Variants in ENTREP3 observed in about 807,000 individuals in gnomAD.
ENTREP3 encodes the protein protein ENTREP3.
the ENTREP3 span, chr1:155,254,976 C>A: frequency 1.0e-6 from 1 of 956,022 alleles, no homozygotes; most frequent in South Asian, 1.5e-5. The surrounding 1 kb of genome is among the most constrained non-coding windows in gnomAD (Gnocchi z 4.4). Flanking sequence ...CTCCACCCCA[C>A]TCGCTCTAGA....
chr1:155,255,089 C>T, the ENTREP3 span: 3 of 596,208 alleles, frequency 5.0e-6, no homozygotes, highest in Non-Finnish European at 9.0e-6. The surrounding 1 kb of genome is among the most constrained non-coding windows in gnomAD (Gnocchi z 5.6). Context: ...TGCTCCCTCC[C>T]CACCACGGGC....
the ENTREP3 span, chr1:155,254,729 G>A: frequency 3.1e-6 from 5 of 1,613,678 alleles, no homozygotes; most frequent in East Asian, 1.1e-4. This position sits in a 1 kb window ranked among gnomAD's most constrained non-coding sequence, Gnocchi z 4.4. Context: ...CATGCTGAAG[G>A]TGACCACCAG....
At chr1:155,252,693 T>TATATAC in the ENTREP3 span, 1 of 43,166 alleles carries the variant, frequency 2.3e-5, no homozygotes, top group Non-Finnish European at 4.2e-5. Flanking sequence ...TTTGTGTGTA[T>TATATAC]ATATATATAT....
the ENTREP3 span, chr1:155,254,076 A>C: frequency 6.2e-7 from 1 of 1,613,866 alleles, no homozygotes; most frequent in East Asian, 2.2e-5. The surrounding 1 kb of genome is among the most constrained non-coding windows in gnomAD (Gnocchi z 4.4). Flanking sequence ...TCCCTCCTCA[A>C]ATCTCACCAG....
At chr1:155,254,612 C>G in the ENTREP3 span, 1 of 1,585,626 alleles carries the variant, frequency 6.3e-7, no homozygotes. The surrounding 1 kb of genome is among the most constrained non-coding windows in gnomAD (Gnocchi z 4.4). Context: ...GGGTGGGGCC[C>G]GAGGAGCCTC....
chr1:155,253,698 C>T, the ENTREP3 span: 1 of 1,611,188 alleles, frequency 6.2e-7, no homozygotes, highest in Non-Finnish European at 8.5e-7. Context: ...TATAGCGGCA[C>T]AAATGGTGAG....
At chr1:155,250,799 C>A in the ENTREP3 span, 1 of 1,607,558 alleles carries the variant, frequency 6.2e-7, no homozygotes, top group East Asian at 2.2e-5. This position sits in a 1 kb window ranked among gnomAD's most constrained non-coding sequence, Gnocchi z 5.4. Flanking sequence ...CTGACAGCAC[C>A]AGAGACCCGC....
the ENTREP3 span, chr1:155,247,780 G>C: frequency 6.8e-7 from 1 of 1,460,804 alleles, no homozygotes; most frequent in Non-Finnish European, 9.0e-7. Context: ...AAGAAGCCTA[G>C]GTCAGAGCCC....
chr1:155,248,185 G>A, the ENTREP3 span: 2 of 1,611,234 alleles, frequency 1.2e-6, no homozygotes, highest in Admixed American at 1.7e-5. Flanking sequence ...CAGGGCCCGA[G>A]GGCAGGGGAA....
chr1:155,254,858 T>G, the ENTREP3 span: 38 of 1,575,364 alleles, frequency 2.4e-5, no homozygotes, highest in Non-Finnish European at 3.2e-5. This position sits in a 1 kb window ranked among gnomAD's most constrained non-coding sequence, Gnocchi z 4.4. Flanking sequence ...GCGGCTGGAG[T>G]CACTAGGCGA....
At chr1:155,251,916 A>T in the ENTREP3 span, 3 of 1,424,360 alleles carry the variant, frequency 2.1e-6, no homozygotes, top group Non-Finnish European at 2.8e-6. Context: ...CTGCTGGGGA[A>T]GCGAGCAGGT....
the ENTREP3 span, chr1:155,251,965 C>G: frequency 8.6e-7 from 1 of 1,156,886 alleles, no homozygotes; most frequent in Admixed American, 3.5e-5. Context: ...TCCTCCTGGG[C>G]CCCCAAACTC....
At chr1:155,252,723 T>TATATATATATATATATA in the ENTREP3 span, 2 of 27,650 alleles carry the variant, frequency 7.2e-5, no homozygotes, top group East Asian at 1.4e-3. Context: ...TATATATATA[T>TATATATATATATATATA]TTTTTTTTTT....
chr1:155,254,935 C>G, the ENTREP3 span: 2 of 1,369,124 alleles, frequency 1.5e-6, no homozygotes, highest in Non-Finnish European at 2.0e-6. This position sits in a 1 kb window ranked among gnomAD's most constrained non-coding sequence, Gnocchi z 4.4. Flanking sequence ...GGGAGCATCT[C>G]AGAGGCGCCC....
chr1:155,251,496 T>C, the ENTREP3 span: 10 of 1,609,958 alleles, frequency 6.2e-6, no homozygotes, highest in Non-Finnish European at 8.5e-6. Flanking sequence ...CGTGCTGTGC[T>C]CTCACCTGGC....
the ENTREP3 span, chr1:155,255,388 T>A: frequency 6.4e-6 from 1 of 155,888 alleles, no homozygotes; most frequent in African/African-American, 2.4e-5. This position sits in a 1 kb window ranked among gnomAD's most constrained non-coding sequence, Gnocchi z 5.6. Context: ...GGCGCCGCTG[T>A]CTCCTGTGTC....
the ENTREP3 span, chr1:155,250,871 C>A: frequency 1.3e-5 from 19 of 1,519,730 alleles, no homozygotes; most frequent in African/African-American, 2.2e-4. This position sits in a 1 kb window ranked among gnomAD's most constrained non-coding sequence, Gnocchi z 5.4. Context: ...CTGGCCTAGC[C>A]CTGCCCAGGC....
At chr1:155,248,536 C>T in the ENTREP3 span, 1 of 1,453,972 alleles carries the variant, frequency 6.9e-7, no homozygotes, top group African/African-American at 1.4e-5. Context: ...CACGCCCACC[C>T]TCCTGTGGGA....
the ENTREP3 span, chr1:155,253,883 A>G: frequency 1.2e-6 from 2 of 1,612,820 alleles, no homozygotes; most frequent in Non-Finnish European, 1.7e-6. Context: ...GGGCTTCATC[A>G]CAGGTGGAGT....
Sources: allele counts gnomAD v4.1 joint callset, GRCh38; gene constraint gnomAD v4.1.1; non-coding constraint Gnocchi (gnomAD v3.1); transcripts MANE v1.5; gene names NCBI Gene and HGNC (gene_info 2026-07-23, HGNC 2026-07-21).